MYT1L: variants seen among roughly 807,000 people sequenced by gnomAD.
MYT1L encodes the protein myelin transcription factor 1 like, also known as myelin transcription factor 1-like protein.
Under a neutral mutation model 126.7 loss-of-function variants are expected in MYT1L, and 12 were observed. The observed-to-expected ratio is 0.09, with a 90% CI of 0.06 to 0.15. The LOEUF (loss-of-function observed/expected upper bound fraction) is 0.15, where lower values mean the gene tolerates loss of function less well. Among genes scored for constraint, MYT1L ranks in the 10% least tolerant of loss-of-function variants. The pLI, the probability that MYT1L is intolerant of heterozygous loss-of-function variation, is 1.00. For synonymous variants in MYT1L, 541 were observed against 604.2 expected (o/e 0.90, Z 1.53); for missense variants, 979 against 1,585.2 (o/e 0.62, Z 6.49).
chr2:2,116,115 C>A (rs2080182400), intron 3 of MYT1L, among the ~76,000 whole-genome samples: 1 of 152,236 alleles, frequency 6.6e-6, no homozygotes, highest in African/African-American at 2.4e-5. Flanking sequence ...GTTCAATGAA[C>A]ACGTTCTGTC....
intron 3 of MYT1L, among the ~76,000 whole-genome samples, chr2:2,090,372 T>C (rs888235091): frequency 1.3e-4 from 20 of 152,238 alleles, no homozygotes; most frequent in African/African-American, 4.8e-4. Flanking sequence ...ATAAATGATA[T>C]GTTTACACTA....
At chr2:2,032,791 G>A (rs1434604605) in intron 4 of MYT1L, among the ~76,000 whole-genome samples, 1 of 115,016 alleles carries the variant, frequency 8.7e-6, no homozygotes, top group Admixed American at 8.4e-5. Flanking sequence ...CTAGAAGGAG[G>A]GCCTTACACA....
Position 2,285,563 on chromosome 2 carries a change from T to C in MYT1L, c.-520-1060A>G, listed in dbSNP as rs77551696. Among the ~76,000 whole-genome samples, 444 of 152,362 alleles carry C rather than the reference T, an allele frequency of 2.9e-3. 2 individuals are homozygous for C. The highest frequency in any genetic ancestry group is 0.012 in the South Asian group (57 of 4,832). On this transcript the variant is annotated intron_variant, in intron 1 of 24. Transcript: ENST00000647738. Reference sequence around the variant, plus strand: ...ATTCTTCTATGCTTTCAACTTTGCATATCTCTTTACCTCTACCTGGAATGC... The same window carrying C: ...ATTCTTCTATGCTTTCAACTTTGCACATCTCTTTACCTCTACCTGGAATGC...
chr2:2,312,512 C>A (rs754384376), intron 1 of MYT1L, among the ~76,000 whole-genome samples: 5 of 151,974 alleles, frequency 3.3e-5, no homozygotes, highest in Non-Finnish European at 7.4e-5. Flanking sequence ...ACTCAGGAGG[C>A]TGAGGTGGGA....
Position 1,922,689 on chromosome 2 carries a change from A to G in MYT1L, c.1080T>C (p.His360=), listed in dbSNP as rs777601058. The G allele has an allele frequency of 6.8e-6, 11 of 1,613,742 alleles. No individual in the cohort carries two copies. The highest frequency in any genetic ancestry group is 2.7e-5 in the African/African-American group (2 of 74,920). The change falls in exon 10 of 25, where the codon CAT becomes CAC. Residue 360 remains histidine (H), a synonymous_variant. Transcript: ENST00000647738. This position sits in a 1 kb window ranked among gnomAD's most constrained non-coding sequence, Gnocchi z 7.4. ...CGGGGAAGTCCTCTTCTGGCCGGACATGCTGACGGATGTTCATGTTCTGCT... is the reference window on the plus strand; with the variant it reads ...CGGGGAAGTCCTCTTCTGGCCGGACGTGCTGACGGATGTTCATGTTCTGCT... ...NPQQNMNIRQ[H]VRPEEDFPGR...
At chr2:2,216,361 A>G (rs896765900) in intron 2 of MYT1L, among the ~76,000 whole-genome samples, 1 of 152,224 alleles carries the variant, frequency 6.6e-6, no homozygotes, top group Non-Finnish European at 1.5e-5. Context: ...GAAAGTTTTT[A>G]GAAAATTACC....
At chr2:1,872,253 G>T (rs2046369070) in intron 18 of MYT1L, among the ~76,000 whole-genome samples, 1 of 152,224 alleles carries the variant, frequency 6.6e-6, no homozygotes, top group African/African-American at 2.4e-5. Context: ...GGCATGAAAA[G>T]TGCCTCCGTT....
At chr2:1,894,387 G>A (rs564435885) in intron 14 of MYT1L, among the ~76,000 whole-genome samples, 18 of 152,254 alleles carry the variant, frequency 1.2e-4, no homozygotes, top group Admixed American at 2.6e-4. Context: ...GCACCCCCAC[G>A]GGCCCTGTGC....
At chr2:1,900,298 G>A (rs2050159105) in intron 14 of MYT1L, among the ~76,000 whole-genome samples, 1 of 151,440 alleles carries the variant, frequency 6.6e-6, no homozygotes, top group East Asian at 2.0e-4. Context: ...CACTTTCCAG[G>A]AGGCTTTTTT....
At chr2:1,978,254 G>A (rs982993810) in intron 8 of MYT1L, among the ~76,000 whole-genome samples, 2 of 152,200 alleles carry the variant, frequency 1.3e-5, no homozygotes, top group Non-Finnish European at 2.9e-5. Flanking sequence ...AGATGCACCC[G>A]CTTTAGAATC....
At chr2:2,273,913 T>C (rs1257731584) in intron 2 of MYT1L, among the ~76,000 whole-genome samples, 4 of 152,218 alleles carry the variant, frequency 2.6e-5, no homozygotes, top group Admixed American at 1.3e-4. Flanking sequence ...TTTAAATATT[T>C]TGTCTCCATT....
chr2:2,009,744 C>A (rs1362992018), intron 4 of MYT1L, among the ~76,000 whole-genome samples: 1 of 152,156 alleles, frequency 6.6e-6, no homozygotes, highest in African/African-American at 2.4e-5. Flanking sequence ...TAATCCCATG[C>A]TGAATAGAAG....
chr2:1,851,661 G>A lies in MYT1L; in HGVS notation c.2754C>T (p.Gly918=). 3 of 1,613,826 alleles carry A rather than the reference G, an allele frequency of 1.9e-6. No individual in the cohort carries two copies. The highest frequency in any genetic ancestry group is 2.5e-6 in the Non-Finnish European group (3 of 1,179,790). Reference sequence around the variant, plus strand: ...CATACCTCCGATGAGAAGCATAATTGCCGGTGATATGTCCAGAACCATCAC... The same window carrying A: ...CATACCTCCGATGAGAAGCATAATTACCGGTGATATGTCCAGAACCATCAC... ...PGCDGSGHIT[G]NYASHRSLSG... Residue 918 remains glycine, a synonymous_variant, in exon 19 of 25, where the codon GGC becomes GGT. Transcript: ENST00000647738.
intron 8 of MYT1L, among the ~76,000 whole-genome samples, chr2:1,968,093 G>A (rs976370859): frequency 2.0e-5 from 3 of 152,182 alleles, no homozygotes; most frequent in Non-Finnish European, 4.4e-5. Flanking sequence ...TGTGTCCAGG[G>A]TGCTCAGGGA....
Position 2,270,364 on chromosome 2 carries a change from C to T in MYT1L, c.-421+14040G>A, listed in dbSNP as rs540043749. On this transcript the variant is annotated intron_variant, in intron 2 of 24. Transcript: ENST00000647738. ...TGAGAGCTGCCTGCATCTGCCTCAT[C>T]ACATTCCTTTAGTCATGAGCTTGCT... Among the ~76,000 whole-genome samples the T allele has an allele frequency of 7.9e-5, 12 of 152,340 alleles. No individual in the cohort carries two copies. The East Asian group carries it at 2.3e-3, about 29-fold the overall frequency.
At chr2:1,869,139 G>A (rs888257280) in intron 18 of MYT1L, among the ~76,000 whole-genome samples, 13 of 152,194 alleles carry the variant, frequency 8.5e-5, no homozygotes, top group Admixed American at 7.2e-4. Flanking sequence ...CCAGAATCAC[G>A]TGTTAGCTGC....
At chr2:2,117,362 T>C (rs150323672) in intron 3 of MYT1L, among the ~76,000 whole-genome samples, 2 of 152,342 alleles carry the variant, frequency 1.3e-5, no homozygotes, top group East Asian at 3.9e-4. Context: ...ATCTGTGGAC[T>C]CCGTCTGCAT....
intron 2 of MYT1L, among the ~76,000 whole-genome samples, chr2:2,260,223 C>T (rs2094927625): frequency 6.6e-6 from 1 of 152,218 alleles, no homozygotes; most frequent in African/African-American, 2.4e-5. Flanking sequence ...TATTGGCTAA[C>T]ACTGTCTGTG....
intron 3 of MYT1L, among the ~76,000 whole-genome samples, chr2:2,069,018 GT>G (rs1342398196): frequency 5.9e-5 from 9 of 151,866 alleles, no homozygotes; most frequent in Non-Finnish European, 1.2e-4. Flanking sequence ...GGGCTGCAGA[GT>G]AAAACTTTTA....
Sources: gnomAD v4.1 joint callset for allele counts (sites outside exome capture counted in the v4.1 genomes callset) on GRCh38, gnomAD v4.1.1 for gene constraint, Gnocchi (gnomAD v3.1) non-coding constraint, MANE v1.5 for transcripts, NCBI Gene and HGNC (gene_info 2026-07-23, HGNC 2026-07-21) for gene names.